PCSK5: variants seen among roughly 807,000 people sequenced by gnomAD.
The protein encoded by PCSK5 is proprotein convertase subtilisin/kexin type 5.
In PCSK5, 129 loss-of-function variants were observed where a neutral mutation model predicts 233.2. The ratio of observed to expected loss-of-function variants is 0.55; its 90% CI spans 0.48 to 0.64. PCSK5 has a LOEUF of 0.64. Ranked by LOEUF, PCSK5 falls within the 30% of genes least tolerant of loss-of-function variation. The pLI, the probability that PCSK5 is intolerant of heterozygous loss-of-function variation, is 0.00. For missense variants in PCSK5, 2,076 were observed against 2,430.1 expected, an observed-to-expected ratio of 0.85 and a Z score of 3.06; for synonymous variants, 825 against 879.2, an observed-to-expected ratio of 0.94 and a Z score of 1.09.
chr9:76,110,468 T>C (rs1214973224), intron 9 of PCSK5, among the ~76,000 whole-genome samples: 3 of 152,224 alleles, frequency 2.0e-5, no homozygotes, highest in Non-Finnish European at 2.9e-5. Flanking sequence ...TCTGCCTGCA[T>C]GGGTAGGACT....
At chr9:76,192,271 T>G (rs1445644719) in intron 20 of PCSK5, among the ~76,000 whole-genome samples, 1 of 151,958 alleles carries the variant, frequency 6.6e-6, no homozygotes, top group Admixed American at 6.6e-5. Flanking sequence ...TGGGCTGAAG[T>G]GGGAAAAGAA....
intron 1 of PCSK5, among the ~76,000 whole-genome samples, chr9:75,926,821 T>C (rs756647853): frequency 7.2e-5 from 11 of 152,246 alleles, no homozygotes; most frequent in Admixed American, 5.9e-4. Flanking sequence ...TGTTATATTC[T>C]ATTTTATACT....
At chr9:76,219,636 T>A (rs1399772024) in intron 20 of PCSK5, among the ~76,000 whole-genome samples, 1 of 152,080 alleles carries the variant, frequency 6.6e-6, no homozygotes, top group Non-Finnish European at 1.5e-5. Flanking sequence ...AGAAAGGAAA[T>A]GGCACATCCC....
At chr9:76,294,388 A>C (rs2842482) in intron 25 of PCSK5, among the ~76,000 whole-genome samples, 70,103 of 151,956 alleles carry the variant, frequency 0.46, 16,664 homozygotes, top group African/African-American at 0.56. Context: ...GTACATAAAA[A>C]TATTTATAAA....
intron 1 of PCSK5, among the ~76,000 whole-genome samples, chr9:75,931,458 T>C (rs1032965498): frequency 6.6e-6 from 1 of 152,174 alleles, no homozygotes; most frequent in African/African-American, 2.4e-5. Context: ...CAAAGTCCAA[T>C]TTTATAGAAA....
rs80109637 is a variant in PCSK5 at position 76,012,353 on chromosome 9, A to C, written c.412-11385A>C. Reference sequence around the variant, plus strand: ...TAGTGTTCACATGAATGAAAAAGCCATATTAACTTCCATGTCAGTCAAGCC... The same window carrying C: ...TAGTGTTCACATGAATGAAAAAGCCCTATTAACTTCCATGTCAGTCAAGCC... On this transcript the variant is annotated intron_variant, in intron 3 of 37. Coordinates refer to ENST00000674117, the MANE Select transcript of PCSK5 (RefSeq NM_001372043.1). Among the ~76,000 whole-genome samples the C allele has an allele frequency of 1.7e-3, 263 of 152,354 alleles. 5 individuals are homozygous for C. In the East Asian group the frequency reaches 0.044, roughly 25 times the overall value.
chr9:75,980,093 G>A (rs1299125123), intron 2 of PCSK5, among the ~76,000 whole-genome samples: 1 of 152,134 alleles, frequency 6.6e-6, no homozygotes, highest in Non-Finnish European at 1.5e-5. Context: ...AAAGAAACAA[G>A]CAACAAATAG....
intron 24 of PCSK5, among the ~76,000 whole-genome samples, chr9:76,282,132 T>TG (rs1339740723): frequency 2.4e-5 from 2 of 84,248 alleles, no homozygotes; most frequent in South Asian, 5.1e-4. Flanking sequence ...TTTTTTTTTT[T>TG]TTTTTTTTTT....
intron 24 of PCSK5, among the ~76,000 whole-genome samples, chr9:76,258,359 A>G (rs1187781846): frequency 6.6e-6 from 1 of 152,212 alleles, no homozygotes; most frequent in Non-Finnish European, 1.5e-5. Context: ...GAGTGATGAC[A>G]TTGAGCCTTT....
chr9:76,312,923 TCAGTCA>T (rs1430044007), intron 30 of PCSK5, among the ~76,000 whole-genome samples: 1 of 152,192 alleles, frequency 6.6e-6, no homozygotes, highest in Non-Finnish European at 1.5e-5. Flanking sequence ...GAGGTTTACA[TCAGTCA>T]ATGTCATACT....
At chr9:75,963,535 T>C (rs563804704) in intron 2 of PCSK5, among the ~76,000 whole-genome samples, 150 of 152,248 alleles carry the variant, frequency 9.9e-4, no homozygotes, top group African/African-American at 3.5e-3. Flanking sequence ...AGGTGTGGGC[T>C]GGGGGTAGTG....
At chr9:76,190,242 T>G (rs931220944) in intron 20 of PCSK5, among the ~76,000 whole-genome samples, 2 of 152,162 alleles carry the variant, frequency 1.3e-5, no homozygotes, top group African/African-American at 2.4e-5. Flanking sequence ...TATAACAACA[T>G]GTATGCAACA....
intron 21 of PCSK5, among the ~76,000 whole-genome samples, chr9:76,230,531 T>A (rs2131314673): frequency 6.6e-6 from 1 of 152,212 alleles, no homozygotes; most frequent in South Asian, 2.1e-4. Context: ...TGGACAGGGG[T>A]CCCCAAACTC....
At chr9:76,019,426 GAA>G (rs1245469059) in intron 3 of PCSK5, among the ~76,000 whole-genome samples, 2 of 152,112 alleles carry the variant, frequency 1.3e-5, no homozygotes, top group Admixed American at 6.5e-5. Context: ...AGTCGGAGAT[GAA>G]GTCTTATAAG....
intron 30 of PCSK5, among the ~76,000 whole-genome samples, chr9:76,313,805 G>A (rs1828938756): frequency 6.6e-6 from 1 of 152,134 alleles, no homozygotes; most frequent in Non-Finnish European, 1.5e-5. Flanking sequence ...CCTAGCTCTT[G>A]AAGGATTTTG....
At chr9:76,101,346 C>A (rs1450361976) in intron 8 of PCSK5, among the ~76,000 whole-genome samples, 1 of 152,118 alleles carries the variant, frequency 6.6e-6, no homozygotes, top group African/African-American at 2.4e-5. Context: ...GAAAGTGAAA[C>A]GTTATTTGAC....
At chr9:76,060,022 C>T (rs113023815) in intron 5 of PCSK5, among the ~76,000 whole-genome samples, 1 of 152,090 alleles carries the variant, frequency 6.6e-6, no homozygotes, top group African/African-American at 2.4e-5. Context: ...AAGACTTTCT[C>T]AAAGGTCTTT....
At chr9:75,915,188 C>G (rs1300597436) in intron 1 of PCSK5, among the ~76,000 whole-genome samples, 6 of 152,156 alleles carry the variant, frequency 3.9e-5, no homozygotes, top group Non-Finnish European at 5.9e-5. Context: ...TGCCTTTACC[C>G]ATGACTGCAG....
At chr9:76,016,284 A>G (rs1450253935) in intron 3 of PCSK5, among the ~76,000 whole-genome samples, 1 of 152,218 alleles carries the variant, frequency 6.6e-6, no homozygotes, top group Admixed American at 6.5e-5. Context: ...GTAACTCATG[A>G]ACAATTTTTT....
Sources: allele counts gnomAD v4.1 joint callset (sites outside exome capture counted in the v4.1 genomes callset), GRCh38; gene constraint gnomAD v4.1.1; transcripts MANE v1.5; gene names NCBI Gene and HGNC (gene_info 2026-07-23, HGNC 2026-07-21).